Variants in KCNJ6 observed in about 807,000 individuals in gnomAD.
The protein encoded by KCNJ6 is G protein-activated inward rectifier potassium channel 2.
In KCNJ6, 9 loss-of-function variants were observed where a neutral mutation model predicts 34.2. The observed-to-expected ratio is 0.26, with a 90% CI of 0.16 to 0.46. KCNJ6 has a LOEUF of 0.46. KCNJ6 is among the 20% of genes least tolerant of loss of function. The pLI, the probability that KCNJ6 is intolerant of heterozygous loss-of-function variation, is 1.00. For missense variants in KCNJ6, 236 were observed against 531.3 expected, an observed-to-expected ratio of 0.44 and a Z score of 5.46; for synonymous variants, 196 against 207.1, an observed-to-expected ratio of 0.95 and a Z score of 0.46.
chr21:37,795,302 C>T (rs950222388), intron 2 of KCNJ6, among the ~76,000 whole-genome samples: 3 of 152,122 alleles, frequency 2.0e-5, no homozygotes, highest in African/African-American at 7.2e-5. Context: ...AGCATGCCTT[C>T]GGGTGATGGA....
intron 3 of KCNJ6, among the ~76,000 whole-genome samples, chr21:37,707,949 A>G (rs2054730054): frequency 6.6e-6 from 1 of 152,058 alleles, no homozygotes; most frequent in Admixed American, 6.5e-5. Context: ...TTGGAAGATG[A>G]GTATTGACTT....
intron 2 of KCNJ6, among the ~76,000 whole-genome samples, chr21:37,748,011 G>C (rs1454383271): frequency 6.6e-6 from 1 of 152,182 alleles, no homozygotes; most frequent in Non-Finnish European, 1.5e-5. Flanking sequence ...TGGCTTTCCT[G>C]GATATAGAGG....
intron 1 of KCNJ6, among the ~76,000 whole-genome samples, chr21:37,880,160 C>T (rs926092756): frequency 2.0e-5 from 3 of 151,760 alleles, no homozygotes; most frequent in African/African-American, 7.3e-5. Context: ...ACCTATAATC[C>T]CAGTTACTCG....
chr21:37,656,814 G>A (rs886929820), intron 3 of KCNJ6, among the ~76,000 whole-genome samples: 2 of 152,196 alleles, frequency 1.3e-5, no homozygotes, highest in African/African-American at 4.8e-5. Context: ...AGGGGAGGCT[G>A]CTTTTGTTTA....
At chr21:37,781,946 G>A (rs2055171357) in intron 2 of KCNJ6, among the ~76,000 whole-genome samples, 4 of 152,310 alleles carry the variant, frequency 2.6e-5, no homozygotes, top group Non-Finnish European at 4.4e-5. Flanking sequence ...CCAATCCTCA[G>A]AGCCTGTGAA....
intron 3 of KCNJ6, among the ~76,000 whole-genome samples, chr21:37,628,942 A>G (rs2054322444): frequency 6.6e-6 from 1 of 152,218 alleles, no homozygotes; most frequent in African/African-American, 2.4e-5. Context: ...ATCCAGCAAA[A>G]TTATCCTTCA....
At chr21:37,649,077 G>A (rs938732060) in intron 3 of KCNJ6, among the ~76,000 whole-genome samples, 11 of 142,974 alleles carry the variant, frequency 7.7e-5, no homozygotes, top group Admixed American at 2.9e-4. Context: ...AGGCTGCAGA[G>A]TGCTGAGATT....
chr21:37,883,150 G>A lies in KCNJ6; in HGVS notation c.-28+32734C>T, dbSNP rs968831555. ...CTCCAAGTAGTTGGGTAACCTGGGA[G>A]TTGCTTCACCTCCTTATGCCTTTGG... is the stretch of plus-strand genomic sequence containing the variant. On this transcript the variant is annotated intron_variant, in intron 1 of 3. Coordinates refer to ENST00000609713, the MANE Select transcript of KCNJ6 (RefSeq NM_002240.5). Among the ~76,000 whole-genome samples the A allele has an allele frequency of 6.2e-4, 95 of 152,234 alleles. 1 individual carries two copies. Among genetic ancestry groups the A allele is most frequent in the Admixed American group, 2.6e-4 (4 of 15,284 alleles).
chr21:37,869,913 C>A (rs1247962923), intron 1 of KCNJ6, among the ~76,000 whole-genome samples: 1 of 152,086 alleles, frequency 6.6e-6, no homozygotes, highest in Non-Finnish European at 1.5e-5. Flanking sequence ...GAGTGGCTTC[C>A]AAGGGTAGAC....
chr21:37,895,871 C>T (rs1301886849), intron 1 of KCNJ6, among the ~76,000 whole-genome samples: 1 of 152,230 alleles, frequency 6.6e-6, no homozygotes, highest in Non-Finnish European at 1.5e-5. Context: ...AGGGTGAAAT[C>T]TCACCCCTAA....
In KCNJ6 at chr21:37,887,391, C is replaced by G. The variant is rs570224014; in HGVS notation, c.-28+28493G>C. Among the ~76,000 whole-genome samples the G allele has an allele frequency of 2.0e-5, 3 of 152,264 alleles. No homozygotes were observed. The East Asian group carries it at 5.8e-4, about 29-fold the overall frequency. On this transcript the variant is annotated intron_variant, in intron 1 of 3. Coordinates refer to ENST00000609713, the MANE Select transcript of KCNJ6 (RefSeq NM_002240.5). ...GTCGGGTTATAGTTTTCAGTGGTTG[C>G]TATCATGCATCCACTCCTCAAATCT...
At chr21:37,720,918 AG>A (rs2054822826) in intron 2 of KCNJ6, among the ~76,000 whole-genome samples, 1 of 151,684 alleles carries the variant, frequency 6.6e-6, no homozygotes, top group South Asian at 2.1e-4. Flanking sequence ...CTTGTTAGCC[AG>A]GATGGTCTCG....
In KCNJ6 at chr21:37,624,777, T is replaced by C. The variant is rs2123360834; in HGVS notation, c.*382A>G. On this transcript the variant is annotated 3_prime_UTR_variant, in exon 4 of 4. Transcript: ENST00000609713. ...CTCTGTGTCTCACTGAATGAATAAA[T>C]AGGCACCAGAAACCTTGCTTGTCAT... 4.9e-6 allele frequency: 1 copy of C among 205,738 alleles called. No individual in the cohort carries two copies. The highest frequency in any genetic ancestry group is 2.0e-3 in the Middle Eastern group (1 of 510). The allele number at this position is 205,738 out of a possible 1,614,324, so 12.7% of individuals were successfully genotyped here.
chr21:37,677,424 C>T (rs938391379), intron 3 of KCNJ6, among the ~76,000 whole-genome samples: 3 of 152,156 alleles, frequency 2.0e-5, no homozygotes, highest in Admixed American at 2.0e-4. Flanking sequence ...CCCTGCTTTG[C>T]CAGGAGTACC....
At chr21:37,789,275 G>A (rs1228975511) in intron 2 of KCNJ6, among the ~76,000 whole-genome samples, 1 of 152,202 alleles carries the variant, frequency 6.6e-6, no homozygotes, top group Non-Finnish European at 1.5e-5. Flanking sequence ...CCCCCAGTGT[G>A]ACTGTACTTG....
At chr21:37,774,647 G>A (rs2055133556) in intron 2 of KCNJ6, among the ~76,000 whole-genome samples, 1 of 152,198 alleles carries the variant, frequency 6.6e-6, no homozygotes, top group Non-Finnish European at 1.5e-5. Flanking sequence ...ATGGTTTCCA[G>A]CTTCATCCAT....
intron 1 of KCNJ6, among the ~76,000 whole-genome samples, chr21:37,910,825 G>C (rs2055863704): frequency 6.6e-6 from 1 of 152,180 alleles, no homozygotes; most frequent in Non-Finnish European, 1.5e-5. Context: ...TTTACACATT[G>C]TAATTGGGAA....
At chr21:37,722,751 C>T (rs1338490807) in intron 2 of KCNJ6, among the ~76,000 whole-genome samples, 1 of 152,150 alleles carries the variant, frequency 6.6e-6, no homozygotes, top group Non-Finnish European at 1.5e-5. Flanking sequence ...GAATGAAATT[C>T]AATCCCTACC....
intron 3 of KCNJ6, among the ~76,000 whole-genome samples, chr21:37,707,305 G>A (rs954368553): frequency 5.3e-5 from 8 of 152,198 alleles, no homozygotes; most frequent in African/African-American, 1.7e-4. Flanking sequence ...TGGGTCTCCC[G>A]ACTGCCCGGC....
Sources: gnomAD v4.1 joint callset for allele counts (sites outside exome capture counted in the v4.1 genomes callset) on GRCh38, gnomAD v4.1.1 for gene constraint, MANE v1.5 for transcripts, NCBI Gene and HGNC (gene_info 2026-07-23, HGNC 2026-07-21) for gene names.